ERAP2: variants seen among roughly 807,000 people sequenced by gnomAD.
ERAP2 encodes the protein leukocyte-derived arginine aminopeptidase.
ERAP2 carries 118 observed loss-of-function variants against 111.1 expected under a neutral mutation model. The ratio of observed to expected loss-of-function variants is 1.06; its 90% CI spans 0.92 to 1.24. The LOEUF (loss-of-function observed/expected upper bound fraction) is 1.24, where lower values mean the gene tolerates loss of function less well. Ranked by LOEUF, ERAP2 falls within the 50% of genes most tolerant of loss-of-function variation. ERAP2 has a pLI of 0.00. For synonymous variants in ERAP2, 410 were observed against 401.2 expected (o/e 1.02, Z -0.26); for missense variants, 1,131 against 1,125.8 (o/e 1.00, Z -0.07).
In ERAP2 at chr5:96,880,106, A is replaced by G; in HGVS notation, c.421A>G (p.Ser141Gly). 6.2e-7 allele frequency: 1 copy of G among 1,614,166 alleles called. No homozygotes were observed. The highest frequency in any genetic ancestry group is 8.5e-7 in the Non-Finnish European group (1 of 1,180,016). The change falls in exon 2 of 19, where the codon AGT becomes GGT. Residue 141 changes from serine to glycine, a missense_variant. Coordinates refer to ENST00000437043, the MANE Select transcript of ERAP2 (RefSeq NM_022350.5). The stretch of plus-strand genomic sequence containing the variant: ...ACCAGGAAAAGAACTGAAAGTTTTG[A>G]GTTACCCTGCTCATGAACAAATTGC... Reference protein sequence around the residue: ...MKPGKELKVLSYPAHEQIALL... With the variant: ...MKPGKELKVLGYPAHEQIALL...
At chr5:96,904,010 T>A (rs2549786) in intron 13 of ERAP2, among the ~76,000 whole-genome samples, 82,041 of 151,774 alleles carry the variant, frequency 0.54, 22,201 homozygotes, top group Admixed American at 0.59. Flanking sequence ...TGTATTTATG[T>A]TATTAGCTGC....
intron 13 of ERAP2, 127 bp downstream of exon 13, chr5:96,903,687 G>T: frequency 1.2e-6 from 1 of 822,246 alleles, no homozygotes; most frequent in Admixed American, 3.2e-5. Flanking sequence ...TTCAAACAGT[G>T]ATCACTAGGC....
At chr5:96,895,544 A>G (rs1784792023) in intron 7 of ERAP2, among the ~76,000 whole-genome samples, 185 bp downstream of exon 7, 1 of 152,216 alleles carries the variant, frequency 6.6e-6, no homozygotes, top group Admixed American at 6.5e-5. Context: ...TTAGAAAACA[A>G]TCAACATAAA....
intron 17 of ERAP2, among the ~76,000 whole-genome samples, chr5:96,913,875 G>C (rs370046060): frequency 6.6e-6 from 1 of 152,130 alleles, no homozygotes; most frequent in South Asian, 2.1e-4. Flanking sequence ...TTTGGTAAGA[G>C]CTACTCCTCA....
chr5:96,890,188 A>G (rs1784190160), intron 5 of ERAP2, among the ~76,000 whole-genome samples: 1 of 152,150 alleles, frequency 6.6e-6, no homozygotes, highest in Non-Finnish European at 1.5e-5. Flanking sequence ...GCGATCCCCA[A>G]CCTTTTTGAC....
At chr5:96,912,157 C>G (rs1481780499) in intron 15 of ERAP2, among the ~76,000 whole-genome samples, 2 of 144,370 alleles carry the variant, frequency 1.4e-5, no homozygotes, top group African/African-American at 2.6e-5. Context: ...CGCCACTGCA[C>G]TCCAGCTTGG....
At chr5:96,886,602 G>T (rs1783745607) in intron 3 of ERAP2, 53 bp from the exon 4 acceptor site, 2 of 1,430,876 alleles carry the variant, frequency 1.4e-6, no homozygotes, top group Admixed American at 2.0e-5. Flanking sequence ...CATAGGCATG[G>T]TTATGAAATA....
At chr5:96,903,031 A>G (rs1478777829) in intron 12 of ERAP2, among the ~76,000 whole-genome samples, 1 of 152,208 alleles carries the variant, frequency 6.6e-6, no homozygotes, top group Non-Finnish European at 1.5e-5. Flanking sequence ...ATGACTAGTG[A>G]CTAAACCTTG....
At chr5:96,876,145 A>G (rs543599557), upstream of ERAP2, 3 of 152,654 alleles carry the variant, frequency 2.0e-5, no homozygotes, top group African/African-American at 7.2e-5. Flanking sequence ...ATTTCATAGC[A>G]CTGAGGATGC....
chr5:96,910,214 A>G (rs1470301755), intron 15 of ERAP2: 4 of 158,118 alleles, frequency 2.5e-5, no homozygotes, highest in African/African-American at 4.8e-5. Context: ...GCCGTGAGCC[A>G]AGATCACTTC....
At chr5:96,903,352 G>A (rs1022190601) in intron 12 of ERAP2, 25 bp from the exon 13 acceptor site, 3 of 1,566,852 alleles carry the variant, frequency 1.9e-6, no homozygotes, top group Non-Finnish European at 2.6e-6. Flanking sequence ...ATAATAAAAT[G>A]CCTATGCCAA....
At chr5:96,916,245 AAC>A (rs1491487112) in intron 18 of ERAP2, among the ~76,000 whole-genome samples, 227 of 117,426 alleles carry the variant, frequency 1.9e-3, no homozygotes, top group African/African-American at 6.1e-3. Context: ...CAAAAACAAA[AAC>A]AAAAAACAAC....
chr5:96,877,636 T>A (rs1782685386), intron 1 of ERAP2, among the ~76,000 whole-genome samples: 1 of 152,190 alleles, frequency 6.6e-6, no homozygotes. Flanking sequence ...AGTAAAAAAC[T>A]TTGCCCATGA....
At chr5:96,893,883 C>T (rs1360034134) in intron 6 of ERAP2, among the ~76,000 whole-genome samples, 2 of 152,162 alleles carry the variant, frequency 1.3e-5, no homozygotes, top group African/African-American at 4.8e-5. Context: ...CCAAGATTAC[C>T]TGCCATTTTC....
intron 3 of ERAP2, among the ~76,000 whole-genome samples, chr5:96,886,097 G>T (rs932093784): frequency 6.6e-6 from 1 of 152,170 alleles, no homozygotes; most frequent in South Asian, 2.1e-4. Context: ...TCCTACCGTG[G>T]AACTAGCCAT....
At chr5:96,908,033 C>T (rs1581892061) in intron 13 of ERAP2, among the ~76,000 whole-genome samples, 1 of 152,252 alleles carries the variant, frequency 6.6e-6, no homozygotes, top group African/African-American at 2.4e-5. Flanking sequence ...AAAGGGACAA[C>T]AAAAGTTGGT....
At position 96,915,723 on chromosome 5, in the gene ERAP2, T is replaced by C. The variant is rs549596502; in HGVS notation, c.2693T>C (p.Ile898Thr). ...DLGSYDIRMI[I>T]SGTTAHFSSK... is the part of the protein sequence containing the mutation. ...GGCTCATATGACATAAGGATGATCA[T>C]CTCTGGCACAACAGCTCACTTTTCT... The change falls in exon 18 of 19, where the codon ATC becomes ACC. Residue 898 changes from isoleucine (I) to threonine (T), a missense_variant. Physicochemically the swap from Ile to Thr is moderately conservative, Grantham distance 89 (BLOSUM62 -1). Transcript: ENST00000437043. The C allele has an allele frequency of 7.5e-6, 12 of 1,598,860 alleles. No homozygotes were observed. The highest frequency in any genetic ancestry group is 1.0e-5 in the Non-Finnish European group (12 of 1,173,230).
chr5:96,879,075 C>T (rs944961928), intron 1 of ERAP2, among the ~76,000 whole-genome samples: 24 of 151,826 alleles, frequency 1.6e-4, no homozygotes, highest in African/African-American at 4.6e-4. Flanking sequence ...AAAAGGTAGC[C>T]GAGTGTGGCG....
rs1225917654 is a variant in ERAP2 at position 96,901,528 on chromosome 5, C to T, written c.1595C>T (p.Ala532Val). The T allele has an allele frequency of 6.2e-7, 1 of 1,613,466 alleles. No homozygotes were observed. The highest frequency in any genetic ancestry group is 1.3e-5 in the African/African-American group (1 of 74,904). ...CAGCTCGCCTTTCTGGGGGAAAATGCAGAGGTCAAAGAGATGATGACTACA... is the reference window on the plus strand; with the variant it reads ...CAGCTCGCCTTTCTGGGGGAAAATGTAGAGGTCAAAGAGATGATGACTACA... Reference protein sequence around the residue: ...SNMLAFLGENAEVKEMMTTWT... With the variant: ...SNMLAFLGENVEVKEMMTTWT... Residue 532 changes from alanine to valine, a missense_variant, in exon 11 of 19, where the codon GCA (alanine) becomes GTA (valine). Around this residue, in one of 3 missense-constraint regions of ERAP2, gnomAD observed 847 missense variants for 856.5 expected, o/e 0.99. Coordinates refer to ENST00000437043, the MANE Select transcript of ERAP2 (RefSeq NM_022350.5).
Sources: gnomAD v4.1 joint callset for allele counts (sites outside exome capture counted in the v4.1 genomes callset) on GRCh38, gnomAD v4.1.1 for gene constraint, gnomAD v4.1.1 regional missense constraint, MANE v1.5 for transcripts, NCBI Gene and HGNC (gene_info 2026-07-23, HGNC 2026-07-21) for gene names.